Variants in ADAMTS17 observed in about 807,000 individuals in gnomAD.
The protein encoded by ADAMTS17 is ADAM metallopeptidase with thrombospondin type 1 motif 17.
ADAMTS17 carries 113 observed loss-of-function variants against 141.5 expected under a neutral mutation model. The ratio of observed to expected loss-of-function variants is 0.80; its 90% CI spans 0.69 to 0.93. The LOEUF (loss-of-function observed/expected upper bound fraction) is 0.93. Among genes scored for constraint, ADAMTS17 ranks in the 40% least tolerant of loss-of-function variants. ADAMTS17 has a pLI of 0.00. For missense variants in ADAMTS17, 1,659 were observed against 1,517.9 expected (o/e 1.09, Z -1.54); for synonymous variants, 768 against 630.6 (o/e 1.22, Z -3.27).
At chr15:100,214,338 CA>C (rs370983400) in intron 7 of ADAMTS17, among the ~76,000 whole-genome samples, 2 of 151,330 alleles carry the variant, frequency 1.3e-5, no homozygotes, top group African/African-American at 2.4e-5. Context: ...TTTAAAAGGC[CA>C]AAAAAAGGGA....
chr15:100,328,526 G>C (rs112058441), intron 3 of ADAMTS17, among the ~76,000 whole-genome samples: 1,839 of 152,268 alleles, frequency 0.012, 46 homozygotes, highest in African/African-American at 0.041. Flanking sequence ...TTTGAGAGCA[G>C]GGAAGGAGAG....
intron 18 of ADAMTS17, among the ~76,000 whole-genome samples, chr15:100,031,948 G>C (rs910243733): frequency 6.6e-6 from 1 of 152,212 alleles, no homozygotes; most frequent in Non-Finnish European, 1.5e-5. Flanking sequence ...ACAAGAAAAA[G>C]AAAGGGAAGA....
chr15:100,215,409 A>G (rs949842768), intron 7 of ADAMTS17, among the ~76,000 whole-genome samples: 2 of 152,142 alleles, frequency 1.3e-5, no homozygotes, highest in African/African-American at 4.8e-5. Context: ...TAACTGTCCC[A>G]TTGTCATGGC....
intron 4 of ADAMTS17, among the ~76,000 whole-genome samples, chr15:100,271,058 T>TA (rs1428916160): frequency 6.6e-6 from 1 of 152,098 alleles, no homozygotes; most frequent in Non-Finnish European, 1.5e-5. Flanking sequence ...TCATCTATGT[T>TA]ACAGCATGTG....
At position 100,091,010 on chromosome 15, in the gene ADAMTS17, C is replaced by CAAAAAAAAAAAAAAAA. The variant is rs556800178; in HGVS notation, c.2137+5330_2137+5345dup. On this transcript the variant is annotated intron_variant, in intron 15 of 21. Transcript: ENST00000268070. Reference sequence around the variant, plus strand: ...GAGGCAGAGTGAGACTCCGTCTCAACAAAAAAAAAAAAAAAAAAGGGTAAC... The same window carrying CAAAAAAAAAAAAAAAA: ...GAGGCAGAGTGAGACTCCGTCTCAACAAAAAAAAAAAAAAAAAAAAAAAAAAAAAAAAAAGGGTAAC... Among the ~76,000 whole-genome samples, 280 of 54,536 alleles carry CAAAAAAAAAAAAAAAA rather than the reference C, an allele frequency of 5.1e-3. 12 individuals carry two copies. Among genetic ancestry groups the CAAAAAAAAAAAAAAAA allele is most frequent in the East Asian group, 0.013 (23 of 1,786 alleles). 35.8% of individuals were successfully genotyped at this position (54,536 alleles called of 152,430 possible).
At chr15:100,053,155 C>T (rs771872633) in intron 16 of ADAMTS17, among the ~76,000 whole-genome samples, 2 of 152,126 alleles carry the variant, frequency 1.3e-5, no homozygotes, top group Non-Finnish European at 2.9e-5. Flanking sequence ...GAAGGAGACC[C>T]GGAATCGATA....
At chr15:99,987,906 G>A (rs1385607125) in intron 20 of ADAMTS17, among the ~76,000 whole-genome samples, 1 of 151,980 alleles carries the variant, frequency 6.6e-6, no homozygotes, top group Non-Finnish European at 1.5e-5. Flanking sequence ...TTGGGGTCGG[G>A]GTCTCTTGGT....
Position 100,124,125 on chromosome 15 carries a change from G to A in ADAMTS17, c.1722-7112C>T, listed in dbSNP as rs144664959. 8.8e-3 allele frequency among the ~76,000 whole-genome samples: 1,341 copies of A among 152,016 alleles called. 20 individuals are homozygous for A. Among genetic ancestry groups the A allele is most frequent in the African/African-American group, 0.03 (1,261 of 41,462 alleles). ...ATTACAGGTGTGCGCCACCATGCCC[G>A]GCTAATTTTTTTGTATTTTTAGTAG... On this transcript the variant is annotated intron_variant, in intron 12 of 21. Transcript: ENST00000268070.
At chr15:100,016,628 G>C (rs2141426147) in intron 18 of ADAMTS17, among the ~76,000 whole-genome samples, 1 of 152,264 alleles carries the variant, frequency 6.6e-6, no homozygotes, top group East Asian at 1.9e-4. Flanking sequence ...AGTGATTGCT[G>C]TCTCTCTTCT....
chr15:100,184,036 T>TTGCTGCTGC (rs530347722), intron 8 of ADAMTS17, among the ~76,000 whole-genome samples: 7 of 152,100 alleles, frequency 4.6e-5, no homozygotes, highest in Non-Finnish European at 1.0e-4. Context: ...AGGGGTTTCA[T>TTGCTGCTGC]TGCTGCTGCT....
intron 20 of ADAMTS17, among the ~76,000 whole-genome samples, chr15:99,987,997 C>T (rs766226441): frequency 6.6e-6 from 1 of 151,954 alleles, no homozygotes; most frequent in Non-Finnish European, 1.5e-5. Flanking sequence ...AATGTCCCTG[C>T]AGGCCCTCTC....
intron 13 of ADAMTS17, among the ~76,000 whole-genome samples, chr15:100,116,307 G>T (rs1389070799): frequency 6.6e-6 from 1 of 152,148 alleles, no homozygotes; most frequent in East Asian, 1.9e-4. Context: ...AGAGCCTCTT[G>T]ATTCAGGAGA....
intron 8 of ADAMTS17, among the ~76,000 whole-genome samples, chr15:100,197,807 G>A (rs770833164): frequency 2.0e-5 from 3 of 152,116 alleles, no homozygotes; most frequent in Non-Finnish European, 4.4e-5. Flanking sequence ...TTAAAATGGC[G>A]CTAGATAAAC....
chr15:100,130,987 C>A (rs974203253), intron 12 of ADAMTS17, among the ~76,000 whole-genome samples: 1 of 152,040 alleles, frequency 6.6e-6, no homozygotes, highest in African/African-American at 2.4e-5. Context: ...CAATGATAGA[C>A]TGGATAAAGA....
chr15:100,079,806 T>C (rs1390085723), intron 15 of ADAMTS17, among the ~76,000 whole-genome samples: 3 of 152,212 alleles, frequency 2.0e-5, no homozygotes, highest in South Asian at 2.1e-4. Flanking sequence ...ATCATGGTAT[T>C]CCACACAGCA....
At chr15:100,276,729 C>G (rs960066332) in intron 4 of ADAMTS17, among the ~76,000 whole-genome samples, 1 of 152,120 alleles carries the variant, frequency 6.6e-6, no homozygotes, top group Admixed American at 6.5e-5. Context: ...GCATCACGTT[C>G]TGCTCTATGT....
intron 8 of ADAMTS17, among the ~76,000 whole-genome samples, chr15:100,197,842 C>T (rs1377652050): frequency 1.3e-5 from 2 of 152,136 alleles, no homozygotes; most frequent in African/African-American, 4.8e-5. Context: ...AAACATGCAG[C>T]CATAAAAATG....
At chr15:100,323,684 G>C (rs556508931) in intron 3 of ADAMTS17, among the ~76,000 whole-genome samples, 10 of 152,258 alleles carry the variant, frequency 6.6e-5, no homozygotes, top group African/African-American at 2.4e-4. Flanking sequence ...AACCAAGCCA[G>C]TTCTTCGAAA....
chr15:100,309,953 AG>A (rs1286069860), intron 3 of ADAMTS17, among the ~76,000 whole-genome samples: 3 of 152,228 alleles, frequency 2.0e-5, no homozygotes, highest in African/African-American at 4.8e-5. Flanking sequence ...GATAGGAAAC[AG>A]GAAGATTTGA....
Sources: allele counts gnomAD v4.1 joint callset (sites outside exome capture counted in the v4.1 genomes callset), GRCh38; gene constraint gnomAD v4.1.1; transcripts MANE v1.5; gene names NCBI Gene and HGNC (gene_info 2026-07-23, HGNC 2026-07-21).